Variants in CFHR2 observed in about 807,000 individuals in gnomAD.
CFHR2 encodes the protein complement factor H-related protein 2.
Under a neutral mutation model 21.7 loss-of-function variants are expected in CFHR2, and 22 were observed. The observed-to-expected ratio is 1.01, with a 90% CI of 0.72 to 1.45. CFHR2 has a LOEUF of 1.45. Ranked by LOEUF, CFHR2 falls within the 40% of genes most tolerant of loss-of-function variation. The pLI is 0.00. For missense variants in CFHR2, 294 were observed against 293.3 expected, an observed-to-expected ratio of 1.00 and a Z score of -0.02; for synonymous variants, 98 against 97.4, an observed-to-expected ratio of 1.01 and a Z score of -0.04.
intron 1 of CFHR2, among the ~76,000 whole-genome samples, chr1:196,946,880 T>C (rs1185955272): frequency 2.6e-5 from 4 of 152,256 alleles, no homozygotes; most frequent in Non-Finnish European, 5.9e-5. Flanking sequence ...ATTGTCATCA[T>C]CAAGTATTAT....
In CFHR2 at chr1:196,958,556, A is replaced by T. The variant is rs542348448; in HGVS notation, c.614-325A>T. Among the ~76,000 whole-genome samples, 6 of 152,220 alleles carry T rather than the reference A, an allele frequency of 3.9e-5. No homozygotes were observed. The East Asian group carries it at 1.2e-3, about 29-fold the overall frequency. ...CCAGTTCTTGTTCATCTTATTACTGAAAGTTTGGATTCTTTCACCAATATC... is the reference window on the plus strand; with the variant it reads ...CCAGTTCTTGTTCATCTTATTACTGTAAGTTTGGATTCTTTCACCAATATC... On this transcript the variant is annotated intron_variant, in intron 4 of 4. Coordinates refer to ENST00000367415, the MANE Select transcript of CFHR2 (RefSeq NM_005666.4).
At chr1:196,949,724 C>G in intron 2 of CFHR2, 75 bp downstream of exon 2, 1 of 1,571,242 alleles carries the variant, frequency 6.4e-7, no homozygotes, top group South Asian at 1.1e-5. Context: ...AGATCATAAA[C>G]ACTTGATAAT....
chr1:196,950,127 T>C (rs1433995079), intron 2 of CFHR2, among the ~76,000 whole-genome samples: 1 of 152,106 alleles, frequency 6.6e-6, no homozygotes, highest in Admixed American at 6.6e-5. Context: ...CAGACTCCAA[T>C]GATAACAGGT....
chr1:196,944,304 C>A (rs1659396001), intron 1 of CFHR2, among the ~76,000 whole-genome samples: 1 of 150,020 alleles, frequency 6.7e-6, no homozygotes, highest in Admixed American at 6.6e-5. Flanking sequence ...TGGCCACCTT[C>A]AAAATGCTTT....
At chr1:196,948,958 A>G (rs1659621211) in intron 1 of CFHR2, among the ~76,000 whole-genome samples, 1 of 152,214 alleles carries the variant, frequency 6.6e-6, no homozygotes, top group Non-Finnish European at 1.5e-5. Context: ...TCAAAATGAT[A>G]TTAATAAACA....
intron 3 of CFHR2, among the ~76,000 whole-genome samples, chr1:196,957,146 A>G (rs989055490): frequency 6.6e-6 from 1 of 152,110 alleles, no homozygotes; most frequent in African/African-American, 2.4e-5. Context: ...TATAGAAAGT[A>G]GGCTCTTCTG....
At chr1:196,946,804 A>G (rs1195189584) in intron 1 of CFHR2, among the ~76,000 whole-genome samples, 1 of 152,232 alleles carries the variant, frequency 6.6e-6, no homozygotes, top group Admixed American at 6.5e-5. Flanking sequence ...CCAGTAGAAG[A>G]AGTTAACTAT....
chr1:196,953,013 G>A (rs1176791961), intron 3 of CFHR2, among the ~76,000 whole-genome samples: 1 of 152,156 alleles, frequency 6.6e-6, no homozygotes, highest in East Asian at 1.9e-4. Flanking sequence ...GTCCAAGGTT[G>A]AATGGTAGCT....
chr1:196,950,188 G>C (rs1460658756), intron 2 of CFHR2, among the ~76,000 whole-genome samples: 1 of 152,102 alleles, frequency 6.6e-6, no homozygotes, highest in African/African-American at 2.4e-5. Context: ...CAACAAAGGA[G>C]ATAGCAATGA....
At position 196,950,853 on chromosome 1, in the gene CFHR2, A is replaced by G. The variant is rs1406507757; in HGVS notation, c.255A>G (p.Arg85=). The change falls in exon 3 of 5, where the codon AGA becomes AGG. Residue 85 remains arginine, a splice_region_variant and synonymous_variant. Coordinates refer to ENST00000367415, the MANE Select transcript of CFHR2 (RefSeq NM_005666.4). ...TATTAATCTGTTTTTGGTCTTTAGG[A>G]CTGTGTTTCTTTCCTTTTGTGGAAA... The part of the protein sequence containing the change: ...EGWSPTPKCL[R]LCFFPFVENG... The G allele has an allele frequency of 1.9e-6, 3 of 1,613,134 alleles. No individual in the cohort carries two copies. The highest frequency in any genetic ancestry group is 2.5e-6 in the Non-Finnish European group (3 of 1,179,806).
Position 196,949,474 on chromosome 1 carries a change from A to G in CFHR2, c.78A>G (p.Pro26=), listed in dbSNP as rs770952062. 6.2e-7 allele frequency: 1 copy of G among 1,613,128 alleles called. No homozygotes were observed. Among genetic ancestry groups the G allele is most frequent in the South Asian group, 1.1e-5 (1 of 90,910 alleles). The change falls in exon 2 of 5, where the codon CCA becomes CCG. Residue 26 remains proline, a synonymous_variant. Coordinates refer to ENST00000367415, the MANE Select transcript of CFHR2 (RefSeq NM_005666.4). ...TCCCAGCAATGTTCTGTGATTTTCC[A>G]AAAATAAACCATGGAATTCTATATG... ...VGGEAMFCDF[P]KINHGILYDE... is the part of the protein sequence containing the mutation.
intron 1 of CFHR2, among the ~76,000 whole-genome samples, chr1:196,946,648 C>T (rs1659501889): frequency 1.3e-5 from 2 of 152,186 alleles, no homozygotes; most frequent in South Asian, 2.1e-4. Flanking sequence ...CTGTCTTCTT[C>T]CTCCGCTCTT....
rs201725921 is a variant in CFHR2 at position 196,949,030 on chromosome 1, TG to T, written c.59-423del. ...CAGAAAAAAAATAGGACAGAGTTTC[TG>T]GTGGAGATACCTATGACAGTCAATG... On this transcript the variant is annotated intron_variant, in intron 1 of 4. Coordinates refer to ENST00000367415, the MANE Select transcript of CFHR2 (RefSeq NM_005666.4). 6.1e-3 allele frequency among the ~76,000 whole-genome samples: 933 copies of T among 152,290 alleles called. 11 individuals are homozygous for T. The highest frequency in any genetic ancestry group is 0.022 in the African/African-American group (894 of 41,554).
At chr1:196,948,667 T>A (rs1659610800) in intron 1 of CFHR2, among the ~76,000 whole-genome samples, 1 of 152,178 alleles carries the variant, frequency 6.6e-6, no homozygotes, top group South Asian at 2.1e-4. Flanking sequence ...TATTTTTAAT[T>A]GCATTATTTT....
chr1:196,949,035 G>A (rs540408546), intron 1 of CFHR2, among the ~76,000 whole-genome samples: 7 of 152,246 alleles, frequency 4.6e-5, no homozygotes, highest in Non-Finnish European at 7.4e-5. Flanking sequence ...GTTTCTGGTG[G>A]AGATACCTAT....
chr1:196,958,038 G>T lies in CFHR2; in HGVS notation c.578G>T (p.Arg193Ile). 6.2e-7 allele frequency: 1 copy of T among 1,613,574 alleles called. No homozygotes were observed. The highest frequency in any genetic ancestry group is 8.5e-7 in the Non-Finnish European group (1 of 1,179,670). ...GAGGGTAACAATCAAATAACATGTAGAAACGGACAATGGTCAGAACCACCA... is the reference window on the plus strand; with the variant it reads ...GAGGGTAACAATCAAATAACATGTATAAACGGACAATGGTCAGAACCACCA... Reference protein sequence around the residue: ...QLEGNNQITCRNGQWSEPPKC... With the variant: ...QLEGNNQITCINGQWSEPPKC... The change falls in exon 4 of 5, where the codon AGA becomes ATA. Residue 193 changes from arginine (R) to isoleucine (I), a missense_variant. Arg to Ile is a moderately conservative substitution (Grantham distance 97). Transcript: ENST00000367415.
intron 3 of CFHR2, among the ~76,000 whole-genome samples, chr1:196,955,143 C>T (rs1473200604): frequency 6.6e-6 from 1 of 152,158 alleles, no homozygotes; most frequent in Admixed American, 6.5e-5. Flanking sequence ...TTTCCTACTC[C>T]AGTTACCCTA....
intron 1 of CFHR2, among the ~76,000 whole-genome samples, chr1:196,947,971 A>G (rs1308694172): frequency 6.6e-6 from 1 of 152,192 alleles, no homozygotes; most frequent in Non-Finnish European, 1.5e-5. Flanking sequence ...AAAACTTGTT[A>G]ATAAAATATA....
Position 196,951,034 on chromosome 1 carries a change from T to G in CFHR2, c.430+6T>G. On this transcript the variant is annotated splice_donor_region_variant and intron_variant, in intron 3 of 4. Transcript: ENST00000367415. Reference sequence around the variant, plus strand: ...TCCCAAATGCAGGTCCACTAGTAAGTGCAATGTTGTTCTCTCAGATGCTGT... The same window carrying G: ...TCCCAAATGCAGGTCCACTAGTAAGGGCAATGTTGTTCTCTCAGATGCTGT... The G allele has an allele frequency of 6.2e-7, 1 of 1,613,950 alleles. No individual in the cohort carries two copies. Among genetic ancestry groups the G allele is most frequent in the Non-Finnish European group, 8.5e-7 (1 of 1,179,890 alleles).
Sources: gnomAD v4.1 joint callset for allele counts (sites outside exome capture counted in the v4.1 genomes callset) on GRCh38, gnomAD v4.1.1 for gene constraint, MANE v1.5 for transcripts, NCBI Gene and HGNC (gene_info 2026-07-23, HGNC 2026-07-21) for gene names.